Variants in ALG9 observed in about 807,000 individuals in gnomAD.
ALG9 encodes ALG9 alpha-1,2-mannosyltransferase.
ALG9 carries 55 observed loss-of-function variants against 81.8 expected under a neutral mutation model. The ratio of observed to expected loss-of-function variants is 0.67; its 90% CI spans 0.54 to 0.84. ALG9 has a LOEUF of 0.84. Among genes scored for constraint, ALG9 ranks in the 40% least tolerant of loss-of-function variants. The pLI is 0.00. For synonymous variants in ALG9, 278 were observed against 274.3 expected, an observed-to-expected ratio of 1.01 and a Z score of -0.13; for missense variants, 629 against 745.0, an observed-to-expected ratio of 0.84 and a Z score of 1.81.
intron 9 of ALG9, 78 bp from the exon 10 acceptor site, chr11:111,840,887 C>G: frequency 6.4e-7 from 1 of 1,569,222 alleles, no homozygotes; most frequent in Non-Finnish European, 8.8e-7. Flanking sequence ...TTATCTTGAT[C>G]TCAAATTTAG....
chr11:111,807,714 G>A (rs1045487631), intron 14 of ALG9, among the ~76,000 whole-genome samples: 1 of 152,132 alleles, frequency 6.6e-6, no homozygotes, highest in Non-Finnish European at 1.5e-5. Flanking sequence ...GGTGGCTTAC[G>A]CCTGTAATCC....
At position 111,839,066 on chromosome 11, in the gene ALG9, C is replaced by T. The variant is rs111526686; in HGVS notation, c.1174-667G>A. 6.4e-3 allele frequency among the ~76,000 whole-genome samples: 976 copies of T among 152,146 alleles called. 10 individuals carry two copies. The highest frequency in any genetic ancestry group is 0.022 in the African/African-American group (910 of 41,502). On this transcript the variant is annotated intron_variant, in intron 10 of 14. Coordinates refer to ENST00000616540, the MANE Select transcript of ALG9 (RefSeq NM_024740.2). ...TTTTTCATATTTTTTGGAATCTATC[C>T]TGAGGAATCAATCTAAATATCTAAA... is the stretch of plus-strand genomic sequence containing the variant.
At chr11:111,781,385 T>C (rs1945929706), downstream of ALG9, among the ~76,000 whole-genome samples, 1 of 152,198 alleles carries the variant, frequency 6.6e-6, no homozygotes, top group Non-Finnish European at 1.5e-5. Context: ...AGGAGGACTG[T>C]TTGTTGTTTA....
At chr11:111,771,722 A>G in the ALG9 span, among the ~76,000 whole-genome samples, 3 of 152,170 alleles carry the variant, frequency 2.0e-5, no homozygotes, top group East Asian at 1.9e-4. Context: ...ACCCTGGTAA[A>G]CTGATTCCGA....
intron 3 of ALG9, among the ~76,000 whole-genome samples, chr11:111,865,521 T>C (rs181453945): frequency 1.9e-4 from 29 of 152,330 alleles, no homozygotes; most frequent in Non-Finnish European, 3.4e-4. Context: ...AACTACAAAA[T>C]ATCCAATTAT....
chr11:111,809,540 G>T, intron 14 of ALG9, 103 bp downstream of exon 14: 7 of 1,104,782 alleles, frequency 6.3e-6, no homozygotes, highest in Non-Finnish European at 9.1e-6. Flanking sequence ...ACACACACAC[G>T]ATGGCTACTA....
At chr11:111,811,595 G>A (rs1950724729) in intron 13 of ALG9, among the ~76,000 whole-genome samples, 1 of 148,234 alleles carries the variant, frequency 6.7e-6, no homozygotes, top group Non-Finnish European at 1.5e-5. Flanking sequence ...CCCATCAACA[G>A]ATAGATTCAT....
chr11:111,859,658 G>C (rs920700703), intron 5 of ALG9, among the ~76,000 whole-genome samples: 1 of 152,116 alleles, frequency 6.6e-6, no homozygotes, highest in Non-Finnish European at 1.5e-5. Flanking sequence ...AGGGGGCAGA[G>C]GAATCTGAGG....
Position 111,865,238 on chromosome 11 carries a change from T to A in ALG9, c.419A>T (p.Tyr140Phe). The A allele has an allele frequency of 6.4e-7, 1 of 1,552,046 alleles. No individual in the cohort carries two copies. ...ILQTNKILVF[Y>F]FLRCLLAFVS... ...AAAAGCCAGAAGACATCGCAAAAAG[T>A]AAAACACAAGAATCTAAAAGAAACC... The change falls in exon 4 of 15, where the codon TAC becomes TTC. Residue 140 changes from tyrosine (Y) to phenylalanine (F), a missense_variant. Physicochemically the swap from Tyr to Phe is conservative, Grantham distance 22 (BLOSUM62 3). This residue lies in a region of ALG9 where 344 missense variants were observed against 390.5 expected (regional missense o/e 0.88). Coordinates refer to ENST00000616540, the MANE Select transcript of ALG9 (RefSeq NM_024740.2).
intron 14 of ALG9, among the ~76,000 whole-genome samples, chr11:111,789,078 A>G (rs1946955521): frequency 6.6e-6 from 1 of 151,800 alleles, no homozygotes; most frequent in African/African-American, 2.4e-5. Flanking sequence ...CCTGGGCTCA[A>G]GCAATCCTCC....
chr11:111,834,375 T>C (rs564610514), intron 13 of ALG9, among the ~76,000 whole-genome samples: 25 of 152,146 alleles, frequency 1.6e-4, no homozygotes, highest in African/African-American at 6.0e-4. Flanking sequence ...TGGGAAACAA[T>C]AAAAAGAAGG....
chr11:111,822,297 T>A (rs1408451985), intron 13 of ALG9, among the ~76,000 whole-genome samples: 3 of 149,364 alleles, frequency 2.0e-5, no homozygotes, highest in Non-Finnish European at 4.4e-5. Context: ...TAGTTCCAGC[T>A]ACTCGAGAGG....
chr11:111,864,455 T>C (rs1961569393), intron 4 of ALG9: 2 of 753,452 alleles, frequency 2.7e-6, no homozygotes, highest in South Asian at 1.4e-5. Context: ...CTGTTCTTTT[T>C]TGTAGTAAAA....
At chr11:111,839,548 G>A (rs1231396430) in intron 10 of ALG9, among the ~76,000 whole-genome samples, 4 of 121,968 alleles carry the variant, frequency 3.3e-5, no homozygotes, top group Non-Finnish European at 6.4e-5. Flanking sequence ...TTGCGCCACT[G>A]CACTCCATCC....
chr11:111,768,347 G>A, the ALG9 span, among the ~76,000 whole-genome samples: 1 of 151,630 alleles, frequency 6.6e-6, no homozygotes, highest in South Asian at 2.1e-4. Context: ...TTCATTTTGT[G>A]GTTTCATTTG....
At chr11:111,800,707 C>A (rs782490778) in intron 14 of ALG9, among the ~76,000 whole-genome samples, 2 of 152,134 alleles carry the variant, frequency 1.3e-5, no homozygotes, top group East Asian at 1.9e-4. Flanking sequence ...ATTTGTGTGG[C>A]TATTTGTTTA....
chr11:111,865,057 G>GT (rs1961852429), intron 4 of ALG9, 124 bp downstream of exon 4: 3 of 708,530 alleles, frequency 4.2e-6, no homozygotes, highest in Non-Finnish European at 6.6e-6. Context: ...GATTACAGGT[G>GT]TGAGCCACCG....
chr11:111,809,401 G>A (rs1555088672), intron 14 of ALG9, among the ~76,000 whole-genome samples: 2 of 151,930 alleles, frequency 1.3e-5, no homozygotes, highest in African/African-American at 4.8e-5. Context: ...ATGGTGGTGT[G>A]CGCCTGTAAT....
intron 14 of ALG9, among the ~76,000 whole-genome samples, chr11:111,793,552 G>T (rs1469884584): frequency 6.6e-6 from 1 of 152,140 alleles, no homozygotes; most frequent in South Asian, 2.1e-4. Context: ...ACAAGGTCAG[G>T]AGAGCAAGAC....
Sources: gnomAD v4.1 joint callset for allele counts (sites outside exome capture counted in the v4.1 genomes callset) on GRCh38, gnomAD v4.1.1 for gene constraint, gnomAD v4.1.1 regional missense constraint, MANE v1.5 for transcripts, NCBI Gene and HGNC (gene_info 2026-07-23, HGNC 2026-07-21) for gene names.